The following FMN1 variants were observed in gnomAD, a reference collection of about 807,000 sequenced individuals.
FMN1 encodes formin 1, also known as formin-1.
FMN1 carries 110 observed loss-of-function variants against 132.4 expected under a neutral mutation model. That is an observed-to-expected ratio of 0.83 (90% CI 0.71 to 0.97). The LOEUF is 0.97. Ranked by LOEUF, FMN1 falls within the 50% of genes least tolerant of loss-of-function variation. The probability of loss-of-function intolerance (pLI) is 0.00; values close to 1 mark genes in which losing one functional copy is unlikely to be tolerated. For missense variants in FMN1, 1,792 were observed against 1,705.3 expected (o/e 1.05, Z -0.90); for synonymous variants, 722 against 651.7 (o/e 1.11, Z -1.64).
At chr15:32,988,735 A>G (rs538363715) in intron 7 of FMN1, among the ~76,000 whole-genome samples, 4 of 151,570 alleles carry the variant, frequency 2.6e-5, no homozygotes, top group Admixed American at 2.6e-4. Context: ...GCTACAATAA[A>G]CCCCGTTGTT....
At chr15:32,775,493 G>C (rs2056387727) in intron 20 of FMN1, among the ~76,000 whole-genome samples, 1 of 152,124 alleles carries the variant, frequency 6.6e-6, no homozygotes, top group Non-Finnish European at 1.5e-5. Context: ...CCAAATAAAA[G>C]GTCTGAGGAA....
At chr15:33,000,327 T>C (rs1308528291) in intron 7 of FMN1, among the ~76,000 whole-genome samples, 1 of 151,806 alleles carries the variant, frequency 6.6e-6, no homozygotes, top group Non-Finnish European at 1.5e-5. Context: ...CGGCCGCCTG[T>C]AGTCCCAGCT....
In FMN1 at chr15:33,051,094, A is replaced by G. The variant is rs553147961; in HGVS notation, c.2161+13863T>C. Among the ~76,000 whole-genome samples, 12 of 152,286 alleles carry G rather than the reference A, an allele frequency of 7.9e-5. 1 individual carries two copies. Among genetic ancestry groups the G allele is most frequent in the Admixed American group, 2.6e-4 (4 of 15,304 alleles). On this transcript the variant is annotated intron_variant, in intron 6 of 20. Coordinates refer to ENST00000616417, the MANE Select transcript of FMN1 (RefSeq NM_001277313.2). ...TGTTCACAAGGACCCCCCCTTTAAG[A>G]AGGCAGAGGGATCGGGGGATATAGA...
intron 7 of FMN1, among the ~76,000 whole-genome samples, chr15:32,971,664 G>A (rs888443650): frequency 6.6e-6 from 1 of 152,106 alleles, no homozygotes; most frequent in African/African-American, 2.4e-5. Flanking sequence ...CTTCTTTCAA[G>A]ATTAAGAATC....
intron 8 of FMN1, 99 bp from the exon 9 acceptor site, chr15:32,964,356 C>T: frequency 1.1e-6 from 1 of 876,930 alleles, no homozygotes; most frequent in Non-Finnish European, 1.7e-6. Flanking sequence ...TTTCATTTTT[C>T]TAAAAAAACA....
intron 4 of FMN1, among the ~76,000 whole-genome samples, chr15:33,120,710 C>G (rs192859262): frequency 6.6e-6 from 1 of 152,104 alleles, no homozygotes; most frequent in East Asian, 1.9e-4. Flanking sequence ...TGACTACATA[C>G]CCATTTTACA....
At chr15:32,810,723 C>T (rs975445315) in intron 17 of FMN1, among the ~76,000 whole-genome samples, 3 of 152,098 alleles carry the variant, frequency 2.0e-5, no homozygotes, top group South Asian at 2.1e-4. Flanking sequence ...TTATGCCAAA[C>T]GCAATTAAGT....
At chr15:32,949,763 C>A (rs1022240222) in intron 9 of FMN1, among the ~76,000 whole-genome samples, 2 of 151,032 alleles carry the variant, frequency 1.3e-5, no homozygotes, top group Non-Finnish European at 3.0e-5. Flanking sequence ...ACAGAGTGAA[C>A]AGACAACCTA....
intron 17 of FMN1, among the ~76,000 whole-genome samples, chr15:32,853,561 C>T (rs997313596): frequency 1.3e-5 from 2 of 152,126 alleles, no homozygotes; most frequent in African/African-American, 2.4e-5. Context: ...ACATTTTCTA[C>T]GAATCAGTGA....
At position 32,898,825 on chromosome 15, in the gene FMN1, A is replaced by G; in HGVS notation, c.3714+9T>C. 1 of 1,575,586 alleles carries G rather than the reference A, an allele frequency of 6.3e-7. No individual in the cohort carries two copies. The highest frequency in any genetic ancestry group is 8.7e-7 in the Non-Finnish European group (1 of 1,147,044). On this transcript the variant is annotated intron_variant, in intron 15 of 20. Transcript: ENST00000616417. ...AGGTGAAACTTTTCCACGTAATACC[A>G]TTTCTTACCTGATCATAGTAACGCA...
At chr15:33,107,470 G>A (rs1318876645) in intron 4 of FMN1, among the ~76,000 whole-genome samples, 2 of 151,958 alleles carry the variant, frequency 1.3e-5, no homozygotes, top group African/African-American at 2.4e-5. Flanking sequence ...CTTGATCCCC[G>A]CCTATCACTT....
intron 5 of FMN1, among the ~76,000 whole-genome samples, chr15:33,078,563 G>C (rs2038315865): frequency 6.6e-6 from 1 of 151,478 alleles, no homozygotes; most frequent in African/African-American, 2.4e-5. Flanking sequence ...ACTTGTAGCT[G>C]CAATCCTTAA....
chr15:32,850,300 G>C (rs1596081306), intron 17 of FMN1, among the ~76,000 whole-genome samples: 3 of 152,326 alleles, frequency 2.0e-5, no homozygotes, highest in Admixed American at 2.0e-4. Context: ...GGGTTGAAGT[G>C]AAGAGATTAT....
At chr15:32,951,281 T>C (rs1164168071) in intron 9 of FMN1, among the ~76,000 whole-genome samples, 1 of 152,142 alleles carries the variant, frequency 6.6e-6, no homozygotes, top group Non-Finnish European at 1.5e-5. Flanking sequence ...GAAAGCAAAA[T>C]ACAAATAGAA....
Position 33,069,993 on chromosome 15 carries a change from C to CTCTT in FMN1, c.2044-4920_2044-4919insAAGA, listed in dbSNP as rs398026774. On this transcript the variant is annotated intron_variant, in intron 5 of 20. Coordinates refer to ENST00000616417, the MANE Select transcript of FMN1 (RefSeq NM_001277313.2). ...AACAGATCATAAGATCAGTCTTTCT[C>CTCTT]TTTTTTTTTTTTTTTTTTTTTTTTT... 4.0e-3 allele frequency among the ~76,000 whole-genome samples: 296 copies of CTCTT among 74,324 alleles called. 9 individuals carry two copies. Among genetic ancestry groups the CTCTT allele is most frequent in the Non-Finnish European group, 5.2e-3 (211 of 40,640 alleles). The allele number at this position is 74,324 out of a possible 152,430, so 48.8% of individuals were successfully genotyped here.
chr15:33,084,157 A>T (rs747577145), intron 5 of FMN1, among the ~76,000 whole-genome samples: 1 of 152,222 alleles, frequency 6.6e-6, no homozygotes, highest in Non-Finnish European at 1.5e-5. Context: ...TGCTCTGCCT[A>T]TGGAGTAGCT....
rs915719934 is a variant in FMN1, at chr15:32,768,239, G to A, written c.*6071C>T. The A allele has an allele frequency of 6.6e-6, 1 of 152,126 alleles. No individual in the cohort carries two copies. The highest frequency in any genetic ancestry group is 1.5e-5 in the Non-Finnish European group (1 of 68,038). The allele number at this position is 152,126 out of a possible 1,614,324, so 9.4% of individuals were successfully genotyped here. On this transcript the variant is annotated 3_prime_UTR_variant, in exon 21 of 21. Transcript: ENST00000616417. ...AGAGTAATTTCCCTGAATAGCCAGTGGTCTATGGGACTAACCTTTCATTTG... is the reference window on the plus strand; with the variant it reads ...AGAGTAATTTCCCTGAATAGCCAGTAGTCTATGGGACTAACCTTTCATTTG...
At chr15:32,781,594 A>C (rs74011963) in intron 19 of FMN1, among the ~76,000 whole-genome samples, 1,834 of 152,292 alleles carry the variant, frequency 0.012, 35 homozygotes, top group African/African-American at 0.041. Flanking sequence ...CAATTCCTGG[A>C]CTGTATCATA....
rs147857641 is a variant in FMN1 at position 32,981,282 on chromosome 15, G to C, written c.2224-11805C>G. Among the ~76,000 whole-genome samples, 503 of 151,986 alleles carry C rather than the reference G, an allele frequency of 3.3e-3. 1 individual carries two copies. The highest frequency in any genetic ancestry group is 0.014 in the Middle Eastern group (4 of 294). ...GGAGGCGGGTGGATCATGAGGTCAGGAGATTGAGACCATCCTGGTTAATAA... is the reference window on the plus strand; with the variant it reads ...GGAGGCGGGTGGATCATGAGGTCAGCAGATTGAGACCATCCTGGTTAATAA... On this transcript the variant is annotated intron_variant, in intron 7 of 20. Coordinates refer to ENST00000616417, the MANE Select transcript of FMN1 (RefSeq NM_001277313.2).
Sources: allele counts gnomAD v4.1 joint callset (sites outside exome capture counted in the v4.1 genomes callset), GRCh38; gene constraint gnomAD v4.1.1; transcripts MANE v1.5; gene names NCBI Gene and HGNC (gene_info 2026-07-23, HGNC 2026-07-21).